Variants in CDH23 observed in about 807,000 individuals in gnomAD.
CDH23 encodes cadherin-23.
In CDH23, 189 loss-of-function variants were observed where a neutral mutation model predicts 317.1. The ratio of observed to expected loss-of-function variants is 0.60; its 90% CI spans 0.53 to 0.67. The LOEUF is 0.67. CDH23 is among the 30% of genes least tolerant of loss of function. The probability of loss-of-function intolerance (pLI) is 0.00; values close to 1 mark genes in which losing one functional copy is unlikely to be tolerated. For synonymous variants in CDH23, 1,839 were observed against 1,876.8 expected (o/e 0.98, Z 0.52); for missense variants, 4,401 against 4,592.4 (o/e 0.96, Z 1.20).
At chr10:71,408,381 GAGAGAGAA>G (rs1362162275) in intron 1 of CDH23, among the ~76,000 whole-genome samples, 3 of 151,778 alleles carry the variant, frequency 2.0e-5, no homozygotes, top group African/African-American at 7.3e-5. Flanking sequence ...GAGAGAGAGA[GAGAGAGAA>G]AGAGAGAGAA....
intron 9 of CDH23, among the ~76,000 whole-genome samples, chr10:71,590,831 A>T (rs1419252909): frequency 7.1e-6 from 1 of 140,728 alleles, no homozygotes; most frequent in Non-Finnish European, 1.5e-5. Flanking sequence ...GCCCCACTGC[A>T]CTCCAGACTC....
At chr10:71,439,925 C>A in intron 2 of CDH23, 27 bp downstream of exon 2, 1 of 1,548,316 alleles carries the variant, frequency 6.5e-7, no homozygotes. Flanking sequence ...CCGTGTCTAT[C>A]CCATGGGCAG....
chr10:71,589,436 A>C (rs1255660339), intron 9 of CDH23, among the ~76,000 whole-genome samples: 1 of 152,228 alleles, frequency 6.6e-6, no homozygotes, highest in Non-Finnish European at 1.5e-5. Flanking sequence ...TTTTTTTAAA[A>C]GAAGGAAGGA....
chr10:71,656,917 G>T (rs996678625), intron 14 of CDH23, among the ~76,000 whole-genome samples: 5 of 152,214 alleles, frequency 3.3e-5, no homozygotes, highest in Non-Finnish European at 7.3e-5. Context: ...GAATAGGCGG[G>T]GGGTAGGGGA....
At chr10:71,773,727 G>A (rs1034219008) in intron 38 of CDH23, among the ~76,000 whole-genome samples, 6 of 152,184 alleles carry the variant, frequency 3.9e-5, no homozygotes, top group African/African-American at 1.4e-4. Context: ...TTTAAAGCCC[G>A]TTCTACCGTC....
rs773072699 is a variant in CDH23, at chr10:71,628,510, TG to T, written c.1134+11118del. Among the ~76,000 whole-genome samples the T allele has an allele frequency of 2.3e-4, 35 of 151,782 alleles. No individual in the cohort carries two copies. The East Asian group carries it at 3.1e-3, about 13-fold the overall frequency. On this transcript the variant is annotated intron_variant, in intron 11 of 69. Coordinates refer to ENST00000224721, the MANE Select transcript of CDH23 (RefSeq NM_022124.6). ...AAGTAATTGAGAGTGAGATAATTTT[TG>T]TTTTTGAGACAGAGTCTTGCTCTGT...
At chr10:71,605,271 A>G (rs1860466267) in intron 9 of CDH23, among the ~76,000 whole-genome samples, 1 of 152,100 alleles carries the variant, frequency 6.6e-6, no homozygotes, top group Non-Finnish European at 1.5e-5. Context: ...AAAGAAAGAC[A>G]ACAAATGTAA....
chr10:71,631,081 CA>C (rs887707221), intron 11 of CDH23, among the ~76,000 whole-genome samples: 25 of 152,212 alleles, frequency 1.6e-4, no homozygotes, highest in African/African-American at 5.8e-4. Context: ...CCCATCTCTA[CA>C]AAAAAATTCA....
At chr10:71,759,593 TG>T (rs1306173955) in intron 38 of CDH23, among the ~76,000 whole-genome samples, 5 of 151,644 alleles carry the variant, frequency 3.3e-5, no homozygotes, top group Admixed American at 3.3e-4. Flanking sequence ...TTAGATCATT[TG>T]TCAGTAGTTT....
chr10:71,503,777 A>G (rs999790069), intron 3 of CDH23, among the ~76,000 whole-genome samples: 5 of 152,186 alleles, frequency 3.3e-5, no homozygotes, highest in Non-Finnish European at 5.9e-5. Flanking sequence ...GGCCTCCCCA[A>G]CGTGCTAACT....
chr10:71,600,699 G>A (rs1313877815), intron 9 of CDH23, among the ~76,000 whole-genome samples: 1 of 151,756 alleles, frequency 6.6e-6, no homozygotes, highest in African/African-American at 2.4e-5. Flanking sequence ...TGTATTTTCA[G>A]TCGAGACAAG....
intron 3 of CDH23, among the ~76,000 whole-genome samples, chr10:71,500,018 C>CAAAAAA (rs34690494): frequency 3.2e-5 from 3 of 94,832 alleles, no homozygotes; most frequent in Admixed American, 1.3e-4. Context: ...GACTCCATCT[C>CAAAAAA]AAAAAAAAAA....
intron 38 of CDH23, chr10:71,755,491 G>A (rs1005980783): frequency 6.3e-7 from 1 of 1,589,842 alleles, no homozygotes; most frequent in Admixed American, 1.7e-5. Flanking sequence ...AGGTAGCCAA[G>A]GTGAAGCCCC....
chr10:71,773,491 G>T (rs1177314094), intron 38 of CDH23: 3 of 1,522,026 alleles, frequency 2.0e-6, no homozygotes, highest in Non-Finnish European at 2.7e-6. Flanking sequence ...CGGGCGGGAC[G>T]CGGCCGGCGC....
chr10:71,803,171 T>C, intron 54 of CDH23, 38 bp from the exon 55 acceptor site: 1 of 1,605,596 alleles, frequency 6.2e-7, no homozygotes, highest in Non-Finnish European at 8.5e-7. Flanking sequence ...GTGGGAAGGA[T>C]GTCTCAACCA....
At chr10:71,811,628 A>G in intron 64 of CDH23, 38 bp downstream of exon 64, 1 of 1,613,646 alleles carries the variant, frequency 6.2e-7, no homozygotes. Flanking sequence ...GGGGCCGACC[A>G]CCTGCTCCCG....
chr10:71,416,246 AAC>A (rs1200336447), intron 1 of CDH23, among the ~76,000 whole-genome samples: 2 of 152,146 alleles, frequency 1.3e-5, no homozygotes, highest in Non-Finnish European at 2.9e-5. Context: ...GTTGCTCTAG[AAC>A]TCCTGACCTC....
At chr10:71,570,464 C>G (rs1857715719) in intron 7 of CDH23, among the ~76,000 whole-genome samples, 1 of 152,196 alleles carries the variant, frequency 6.6e-6, no homozygotes, top group Admixed American at 6.5e-5. Flanking sequence ...CCAAGGAAGT[C>G]AGGCCTGGGC....
At chr10:71,596,798 A>G (rs886323739) in intron 9 of CDH23, among the ~76,000 whole-genome samples, 8 of 151,978 alleles carry the variant, frequency 5.3e-5, no homozygotes, top group African/African-American at 1.7e-4. Context: ...GGCAGGGGGG[A>G]GCACGTAGGA....
Sources: gnomAD v4.1 joint callset for allele counts (sites outside exome capture counted in the v4.1 genomes callset) on GRCh38, gnomAD v4.1.1 for gene constraint, MANE v1.5 for transcripts, NCBI Gene and HGNC (gene_info 2026-07-23, HGNC 2026-07-21) for gene names.